NDUFS4: variants seen among roughly 807,000 people sequenced by gnomAD.
NDUFS4 encodes NADH dehydrogenase [ubiquinone] iron-sulfur protein 4, mitochondrial.
In NDUFS4, 28 loss-of-function variants were observed where a neutral mutation model predicts 24.3. That is an observed-to-expected ratio of 1.15 (90% confidence interval 0.85 to 1.58). NDUFS4 has a LOEUF of 1.58. Among genes scored for constraint, NDUFS4 ranks in the 40% most tolerant of loss-of-function variants. The pLI is 0.00. For missense variants in NDUFS4, 223 were observed against 207.9 expected, an observed-to-expected ratio of 1.07 and a Z score of -0.45; for synonymous variants, 93 against 69.7, an observed-to-expected ratio of 1.34 and a Z score of -1.67.
intron 1 of NDUFS4, among the ~76,000 whole-genome samples, chr5:53,571,330 T>A (rs1246392693): frequency 6.6e-6 from 1 of 152,232 alleles, no homozygotes; most frequent in East Asian, 1.9e-4. Flanking sequence ...TCAGTTAGCA[T>A]AATGTTTTCA....
At chr5:53,674,390 G>A (rs1334069450) in intron 4 of NDUFS4, among the ~76,000 whole-genome samples, 20 of 152,156 alleles carry the variant, frequency 1.3e-4, no homozygotes. Flanking sequence ...TCTACTTCAA[G>A]GTACAAGGGT....
chr5:53,607,084 T>G (rs1279760974), intron 2 of NDUFS4, among the ~76,000 whole-genome samples: 1 of 152,204 alleles, frequency 6.6e-6, no homozygotes, highest in East Asian at 1.9e-4. Flanking sequence ...GGCACAGATA[T>G]GGAGGCCTGA....
chr5:53,658,654 A>G (rs758856846), intron 4 of NDUFS4, 30 bp downstream of exon 4: 2 of 1,565,952 alleles, frequency 1.3e-6, no homozygotes, highest in African/African-American at 2.7e-5. Context: ...GACAAAGTCA[A>G]GATAATGATT....
chr5:53,663,434 TAA>T (rs954566997), intron 4 of NDUFS4, among the ~76,000 whole-genome samples: 1 of 152,184 alleles, frequency 6.6e-6, no homozygotes, highest in African/African-American at 2.4e-5. Flanking sequence ...AGTGGGGTGT[TAA>T]AGTCTCCCAT....
chr5:53,561,801 G>A (rs903125612), intron 1 of NDUFS4, among the ~76,000 whole-genome samples: 5 of 152,052 alleles, frequency 3.3e-5, no homozygotes, highest in African/African-American at 1.2e-4. Context: ...GTTTTATTAA[G>A]GTTTAAATAT....
chr5:53,643,402 G>T (rs1389649806), intron 2 of NDUFS4, among the ~76,000 whole-genome samples: 3 of 152,196 alleles, frequency 2.0e-5, no homozygotes, highest in Admixed American at 1.3e-4. Flanking sequence ...AATTTAAATA[G>T]TTTGCGGATT....
intron 1 of NDUFS4, among the ~76,000 whole-genome samples, chr5:53,596,069 A>G (rs1200045989): frequency 6.6e-6 from 1 of 152,132 alleles, no homozygotes; most frequent in African/African-American, 2.4e-5. Flanking sequence ...TGTTTTCTCT[A>G]ATTTAAACAA....
chr5:53,584,568 G>A (rs1268778283), intron 1 of NDUFS4, among the ~76,000 whole-genome samples: 1 of 151,972 alleles, frequency 6.6e-6, no homozygotes, highest in African/African-American at 2.4e-5. Context: ...TTGAACTCCC[G>A]ACCTCAGGTG....
At chr5:53,618,148 T>G (rs956961113) in intron 2 of NDUFS4, among the ~76,000 whole-genome samples, 2 of 152,036 alleles carry the variant, frequency 1.3e-5, no homozygotes, top group African/African-American at 4.8e-5. Flanking sequence ...GGCGCGTGCC[T>G]GTGGTCCTAG....
At chr5:53,608,038 G>A (rs914769111) in intron 2 of NDUFS4, among the ~76,000 whole-genome samples, 1 of 151,844 alleles carries the variant, frequency 6.6e-6, no homozygotes, top group Non-Finnish European at 1.5e-5. Flanking sequence ...GGATATACAG[G>A]CATACTTTGA....
chr5:53,573,561 A>G (rs1749285629), intron 1 of NDUFS4: 4 of 451,066 alleles, frequency 8.9e-6, no homozygotes, highest in Non-Finnish European at 1.8e-5. Flanking sequence ...GCTGTGGTAA[A>G]GAGCATTGCT....
At chr5:53,586,511 AGTTTGTTT>A (rs1362126168) in intron 1 of NDUFS4, among the ~76,000 whole-genome samples, 1 of 89,412 alleles carries the variant, frequency 1.1e-5, no homozygotes, top group African/African-American at 4.9e-5. Flanking sequence ...TTAGTTAGTT[AGTTTGTTT>A]GTTTGTTTAT....
At chr5:53,622,052 G>T (rs939346579) in intron 2 of NDUFS4, among the ~76,000 whole-genome samples, 26 of 152,064 alleles carry the variant, frequency 1.7e-4, no homozygotes, top group Non-Finnish European at 3.2e-4. Context: ...ATTTAGAAGT[G>T]AGAAGAAAAA....
Position 53,589,736 on chromosome 5 carries a change from C to G in NDUFS4, c.99-13716C>G, listed in dbSNP as rs140732553. On this transcript the variant is annotated intron_variant, in intron 1 of 4. Coordinates refer to ENST00000296684, the MANE Select transcript of NDUFS4 (RefSeq NM_002495.4). ...TGGGAAAGGCAGACCCACCCGTAAT[C>G]TGGGTGGGCACCATCTAATCAGCTG... is the stretch of plus-strand genomic sequence containing the variant. 8.3e-3 allele frequency among the ~76,000 whole-genome samples: 1,261 copies of G among 152,270 alleles called. 17 individuals carry two copies. Among genetic ancestry groups the G allele is most frequent in the African/African-American group, 0.029 (1,190 of 41,544 alleles).
intron 1 of NDUFS4, among the ~76,000 whole-genome samples, chr5:53,575,530 CTTTTTTTTTTTTTTTTT>C (rs36051026): frequency 2.6e-5 from 2 of 76,158 alleles, no homozygotes; most frequent in South Asian, 6.7e-4. Context: ...TGATCAGATT[CTTTTTTTTTTTTTTTTT>C]TTTTTTTTTT....
chr5:53,588,105 TA>T (rs1369874468), intron 1 of NDUFS4, among the ~76,000 whole-genome samples: 1 of 152,182 alleles, frequency 6.6e-6, no homozygotes, highest in African/African-American at 2.4e-5. Flanking sequence ...AATACCATGG[TA>T]AAGCGAGTCA....
chr5:53,616,921 A>G (rs16881561), intron 2 of NDUFS4, among the ~76,000 whole-genome samples: 2 of 152,076 alleles, frequency 1.3e-5, no homozygotes, highest in Non-Finnish European at 2.9e-5. Flanking sequence ...ACGATATAAC[A>G]ATTTGGTGAT....
intron 2 of NDUFS4, among the ~76,000 whole-genome samples, chr5:53,624,182 T>G (rs1009693418): frequency 6.6e-6 from 1 of 152,210 alleles, no homozygotes; most frequent in African/African-American, 2.4e-5. Context: ...ATGCAAGGGT[T>G]TATTTCTAGG....
intron 2 of NDUFS4, among the ~76,000 whole-genome samples, chr5:53,636,017 T>C (rs1319245231): frequency 6.6e-6 from 1 of 152,152 alleles, no homozygotes; most frequent in African/African-American, 2.4e-5. Context: ...AAAAGACAGA[T>C]TAACAAGAAA....
Sources: allele counts gnomAD v4.1 joint callset (sites outside exome capture counted in the v4.1 genomes callset), GRCh38; gene constraint gnomAD v4.1.1; transcripts MANE v1.5; gene names NCBI Gene and HGNC (gene_info 2026-07-23, HGNC 2026-07-21).